The following GALNT18 variants were observed in gnomAD, a reference collection of about 807,000 sequenced individuals.
GALNT18 encodes GalNAc-transferase 18.
A neutral mutation model predicts 69.5 loss-of-function variants in GALNT18; 44 were observed. That is an observed-to-expected ratio of 0.63 (90% CI 0.50 to 0.81). The LOEUF (loss-of-function observed/expected upper bound fraction) is 0.81. Ranked by LOEUF, GALNT18 falls within the 40% of genes least tolerant of loss-of-function variation. The pLI is 0.00. For synonymous variants in GALNT18, 364 were observed against 318.2 expected, an observed-to-expected ratio of 1.14 and a Z score of -1.53; for missense variants, 715 against 810.0, an observed-to-expected ratio of 0.88 and a Z score of 1.42.
At chr11:11,378,799 C>T (rs1371823425) in intron 4 of GALNT18, among the ~76,000 whole-genome samples, 1 of 152,162 alleles carries the variant, frequency 6.6e-6, no homozygotes, top group African/African-American at 2.4e-5. Flanking sequence ...TACCCTTCTC[C>T]CTGATGACCC....
rs553676232 is a variant in GALNT18 at position 11,410,034 on chromosome 11, C to T, written c.595+22587G>A. The stretch of plus-strand genomic sequence containing the variant: ...ACAACAGCATGGGCTGGGCACCCTC[C>T]GCCTCTCCCCACCCTTCTTTGTCTC... On this transcript the variant is annotated intron_variant, in intron 3 of 10. Transcript: ENST00000227756. Among the ~76,000 whole-genome samples, 16 of 152,132 alleles carry T rather than the reference C, an allele frequency of 1.1e-4. No homozygotes were observed. In the South Asian group the frequency reaches 2.5e-3, roughly 24 times the overall value.
intron 1 of GALNT18, among the ~76,000 whole-genome samples, chr11:11,578,390 G>A (rs1181216070): frequency 6.7e-6 from 1 of 148,610 alleles, no homozygotes; most frequent in Non-Finnish European, 1.5e-5. Context: ...CCTTTTAACT[G>A]GTCCCCAAAA....
At chr11:11,556,506 G>C (rs887573888) in intron 1 of GALNT18, among the ~76,000 whole-genome samples, 21 of 152,218 alleles carry the variant, frequency 1.4e-4, no homozygotes, top group African/African-American at 4.8e-4. Context: ...GTGCCCTTGA[G>C]TAAAAGTAGA....
chr11:11,333,125 A>G (rs1329605756), intron 7 of GALNT18, among the ~76,000 whole-genome samples: 1 of 150,806 alleles, frequency 6.6e-6, no homozygotes, highest in Non-Finnish European at 1.5e-5. Flanking sequence ...GGTGTAGATG[A>G]AAGAAATGGG....
intron 1 of GALNT18, among the ~76,000 whole-genome samples, chr11:11,577,754 C>T (rs2133901369): frequency 6.6e-6 from 1 of 152,276 alleles, no homozygotes; most frequent in East Asian, 1.9e-4. Context: ...CCGGCTGGCA[C>T]TTTGAGGGAG....
intron 1 of GALNT18, among the ~76,000 whole-genome samples, chr11:11,594,848 T>TATATATATATATAC (rs1488821833): frequency 1.1e-4 from 12 of 114,276 alleles, no homozygotes; most frequent in East Asian, 5.1e-4. Context: ...TATACACATA[T>TATATATATATATAC]ACATACATAC....
rs1170781961 is a variant in GALNT18 at position 11,598,906 on chromosome 11, GT to G, written c.235+22452del. The stretch of plus-strand genomic sequence containing the variant: ...TTTTTAATTTTCTAGATTTCCTGCT[GT>G]TATTGGTTCAATTACATTTCACGTG... On this transcript the variant is annotated intron_variant, in intron 1 of 10. Transcript: ENST00000227756. The surrounding 1 kb of genome is among the most constrained non-coding windows in gnomAD (Gnocchi z 4.8). Among the ~76,000 whole-genome samples the G allele has an allele frequency of 6.6e-6, 1 of 151,816 alleles. No homozygotes were observed. The highest frequency in any genetic ancestry group is 1.5e-5 in the Non-Finnish European group (1 of 67,920).
At chr11:11,558,382 C>T (rs1858384341) in intron 1 of GALNT18, among the ~76,000 whole-genome samples, 1 of 152,202 alleles carries the variant, frequency 6.6e-6, no homozygotes, top group Non-Finnish European at 1.5e-5. Flanking sequence ...AAAAAAATGG[C>T]TAAAGTCCTA....
chr11:11,272,235 C>A (rs1252610934), intron 10 of GALNT18, among the ~76,000 whole-genome samples: 1 of 152,166 alleles, frequency 6.6e-6, no homozygotes, highest in East Asian at 1.9e-4. Flanking sequence ...ATTTATCTAT[C>A]CTTTCAGCAT....
chr11:11,475,756 C>G (rs1222776369), intron 1 of GALNT18: 3 of 152,190 alleles, frequency 2.0e-5, no homozygotes, highest in African/African-American at 2.4e-5. Flanking sequence ...CCTAGAATCC[C>G]CCACCCCAAC....
intron 9 of GALNT18, among the ~76,000 whole-genome samples, chr11:11,301,003 TG>T (rs1648326621): frequency 6.6e-6 from 1 of 152,140 alleles, no homozygotes; most frequent in Non-Finnish European, 1.5e-5. Context: ...GGATCTAGCT[TG>T]CCCCCACAAT....
chr11:11,468,403 C>T (rs1439569602), intron 1 of GALNT18, among the ~76,000 whole-genome samples: 2 of 152,202 alleles, frequency 1.3e-5, no homozygotes, highest in African/African-American at 2.4e-5. Context: ...GGTGAGTGCT[C>T]GCCTCCTTCC....
At chr11:11,420,917 C>CT (rs934025210) in intron 3 of GALNT18, among the ~76,000 whole-genome samples, 29 of 148,504 alleles carry the variant, frequency 2.0e-4, no homozygotes, top group African/African-American at 3.0e-4. Flanking sequence ...GGAAGAAGGC[C>CT]TTTTTTTTTT....
chr11:11,466,828 A>G (rs1457257851), intron 1 of GALNT18, among the ~76,000 whole-genome samples: 1 of 152,142 alleles, frequency 6.6e-6, no homozygotes, highest in Non-Finnish European at 1.5e-5. Context: ...AGCAAGACAG[A>G]AGGGAGACCT....
chr11:11,298,086 C>T (rs1485660513), intron 9 of GALNT18, among the ~76,000 whole-genome samples: 1 of 152,230 alleles, frequency 6.6e-6, no homozygotes, highest in Non-Finnish European at 1.5e-5. Flanking sequence ...TAACGTCCCC[C>T]AGGGCCGGAG....
chr11:11,482,912 G>A (rs1856564854), intron 1 of GALNT18, among the ~76,000 whole-genome samples: 1 of 152,180 alleles, frequency 6.6e-6, no homozygotes, highest in African/African-American at 2.4e-5. Context: ...CATCGCTGAG[G>A]AGCATGTCAG....
At chr11:11,307,349 GATA>G (rs1849596214) in intron 9 of GALNT18, among the ~76,000 whole-genome samples, 1 of 152,096 alleles carries the variant, frequency 6.6e-6, no homozygotes, top group Admixed American at 6.5e-5. Context: ...TTATTATAAT[GATA>G]ATATTTCCAA....
chr11:11,315,433 G>A lies in GALNT18; in HGVS notation c.1512+11653C>T, dbSNP rs1004048742. Among the ~76,000 whole-genome samples, 6 of 152,196 alleles carry A rather than the reference G, an allele frequency of 3.9e-5. No homozygotes were observed. Among genetic ancestry groups the A allele is most frequent in the African/African-American group, 1.4e-4 (6 of 41,452 alleles). On this transcript the variant is annotated intron_variant, in intron 9 of 10. Transcript: ENST00000227756. The surrounding 1 kb of genome is among the most constrained non-coding windows in gnomAD (Gnocchi z 5.6). ...AGCTCTGGAACACAGGCAAGGATAC[G>A]TTAGGCATGGGTCTTCATGGATTCT...
chr11:11,292,642 G>C (rs537650976), intron 10 of GALNT18, among the ~76,000 whole-genome samples: 1 of 152,122 alleles, frequency 6.6e-6, no homozygotes, highest in African/African-American at 2.4e-5. Flanking sequence ...GAAACGTGAA[G>C]GTTTAAAGTC....
Sources: gnomAD v4.1 joint callset for allele counts (sites outside exome capture counted in the v4.1 genomes callset) on GRCh38, gnomAD v4.1.1 for gene constraint, Gnocchi (gnomAD v3.1) non-coding constraint, MANE v1.5 for transcripts, NCBI Gene and HGNC (gene_info 2026-07-23, HGNC 2026-07-21) for gene names.